Variants in CREBBP observed in about 807,000 individuals in gnomAD.
CREBBP encodes CREB-binding protein.
In CREBBP, 19 loss-of-function variants were observed where a neutral mutation model predicts 265.0. That is an observed-to-expected ratio of 0.07 (90% CI 0.05 to 0.11). CREBBP has a LOEUF of 0.11. CREBBP is among the 10% of genes least tolerant of loss of function. The pLI is 1.00. For missense variants in CREBBP, 2,525 were observed against 3,219.0 expected, an observed-to-expected ratio of 0.78 and a Z score of 5.22; for synonymous variants, 1,457 against 1,223.7, an observed-to-expected ratio of 1.19 and a Z score of -3.98.
At chr16:3,767,592 A>C in intron 16 of CREBBP, 128 bp downstream of exon 16, 1 of 1,266,996 alleles carries the variant, frequency 7.9e-7, no homozygotes, top group Non-Finnish European at 1.1e-6. Context: ...AGTCTGGGGA[A>C]TGGCAGGCAA....
At chr16:3,871,174 A>C (rs1436462759) in intron 1 of CREBBP, among the ~76,000 whole-genome samples, 1 of 127,356 alleles carries the variant, frequency 7.9e-6, no homozygotes, top group Non-Finnish European at 1.7e-5. Context: ...CCTTTTAGAG[A>C]TCTCTCTCTC....
intron 3 of CREBBP, among the ~76,000 whole-genome samples, chr16:3,797,578 T>C (rs1370487768): frequency 6.6e-6 from 1 of 152,122 alleles, no homozygotes; most frequent in Non-Finnish European, 1.5e-5. Context: ...TACACTGTAA[T>C]AAAAGCTACA....
chr16:3,853,672 C>G (rs1286740562), intron 1 of CREBBP, among the ~76,000 whole-genome samples: 1 of 151,936 alleles, frequency 6.6e-6, no homozygotes, highest in Non-Finnish European at 1.5e-5. Flanking sequence ...CACGGTAGCT[C>G]ATGCCTGTAA....
At chr16:3,879,186 T>C (rs894316579) in intron 1 of CREBBP, among the ~76,000 whole-genome samples, 1 of 152,076 alleles carries the variant, frequency 6.6e-6, no homozygotes, top group Non-Finnish European at 1.5e-5. Context: ...TAACGAAGTT[T>C]GGGTTTTGAA....
At chr16:3,752,524 C>T (rs780753914) in intron 19 of CREBBP, among the ~76,000 whole-genome samples, 9 of 150,620 alleles carry the variant, frequency 6.0e-5, no homozygotes, top group Non-Finnish European at 7.4e-5. Context: ...AATCCATATT[C>T]TAGACAAACA....
chr16:3,823,990 A>T (rs892023839), intron 2 of CREBBP, among the ~76,000 whole-genome samples: 2 of 138,390 alleles, frequency 1.4e-5, no homozygotes, highest in East Asian at 2.3e-4. Flanking sequence ...ACACACACAC[A>T]CACTCATCTA....
At chr16:3,814,775 A>G (rs1270702487) in intron 2 of CREBBP, among the ~76,000 whole-genome samples, 3 of 152,240 alleles carry the variant, frequency 2.0e-5, no homozygotes, top group African/African-American at 7.2e-5. Flanking sequence ...GATCTACACA[A>G]TTCTCAAAAA....
At chr16:3,815,340 G>C (rs1196339563) in intron 2 of CREBBP, among the ~76,000 whole-genome samples, 1 of 151,998 alleles carries the variant, frequency 6.6e-6, no homozygotes, top group African/African-American at 2.4e-5. Flanking sequence ...AGCAGTTCGA[G>C]ACCAGCCTGG....
At position 3,803,477 on chromosome 16, in the gene CREBBP, C is replaced by T. The variant is rs925787439; in HGVS notation, c.975+7126G>A. 1.7e-4 allele frequency among the ~76,000 whole-genome samples: 26 copies of T among 151,978 alleles called. No homozygotes were observed. The East Asian group carries it at 2.3e-3, about 14-fold the overall frequency. On this transcript the variant is annotated intron_variant, in intron 3 of 30. Coordinates refer to ENST00000262367, the MANE Select transcript of CREBBP (RefSeq NM_004380.3). The stretch of plus-strand genomic sequence containing the variant: ...CCAAGATCGCGCCACTGCACTCTAG[C>T]CTGGGCGACAGATCGAGACTCTCTC...
At chr16:3,737,867 A>AC (rs1173253072) in intron 26 of CREBBP, among the ~76,000 whole-genome samples, 3 of 150,712 alleles carry the variant, frequency 2.0e-5, no homozygotes, top group Admixed American at 2.0e-4. Flanking sequence ...GCTCACTGCA[A>AC]CCCCCCGCCT....
intron 2 of CREBBP, among the ~76,000 whole-genome samples, chr16:3,837,363 C>G (rs2054474332): frequency 6.6e-6 from 1 of 152,154 alleles, no homozygotes; most frequent in African/African-American, 2.4e-5. Flanking sequence ...CACCTGTAAT[C>G]CCAGCACTTC....
In CREBBP at chr16:3,780,854, G is replaced by C; in HGVS notation, c.1701C>G (p.Asn567Lys). ...ATNPLMNDGS[N>K]SGNIGTLSTI... The stretch of plus-strand genomic sequence containing the variant: ...TGCTGAGGGTTCCAATGTTACCAGA[G>C]TTGGAGCCATCGTTCATCAGTGGGC... The change falls in exon 8 of 31, where the codon AAC becomes AAG. Residue 567 changes from asparagine to lysine, a missense_variant. Around this residue, in one of 19 missense-constraint regions of CREBBP, gnomAD observed 144 missense variants for 134.0 expected, o/e 1.07. Transcript: ENST00000262367. 1 of 1,613,674 alleles carries C rather than the reference G, an allele frequency of 6.2e-7. No individual in the cohort carries two copies. The highest frequency in any genetic ancestry group is 2.2e-5 in the East Asian group (1 of 44,880).
rs530933277 is a variant in CREBBP, at chr16:3,740,311, T to G, written c.4133+88A>C. 6 of 1,540,882 alleles carry G rather than the reference T, an allele frequency of 3.9e-6. No individual in the cohort carries two copies. The East Asian group carries it at 1.3e-4, about 35-fold the overall frequency. ...GCTGCAAAGTCTTGGAAGGATGACC[T>G]CAAACTCAAGAGCTTTGCAGAGAGC... On this transcript the variant is annotated intron_variant, in intron 24 of 30. Coordinates refer to ENST00000262367, the MANE Select transcript of CREBBP (RefSeq NM_004380.3).
chr16:3,850,925 C>A lies in CREBBP; in HGVS notation c.170G>T (p.Gly57Val), dbSNP rs757504250. The A allele has an allele frequency of 1.1e-5, 18 of 1,614,142 alleles. No homozygotes were observed. Among genetic ancestry groups the A allele is most frequent in the Non-Finnish European group, 1.5e-5 (18 of 1,180,032 alleles). Residue 57 changes from glycine to valine, a missense_variant, in exon 2 of 31, where the codon GGG becomes GTG. Around this residue, in one of 19 missense-constraint regions of CREBBP, gnomAD observed 356 missense variants for 340.4 expected, o/e 1.05. Transcript: ENST00000262367. The part of the protein sequence containing the change: ...NGGELGLLNS[G>V]NLVPDAASKH... Reference sequence around the variant, plus strand: ...GGAAGCAGCATCTGGAACAAGGTTCCCACTGTTTAAAAGGCCTAATTCTCC... The same window carrying A: ...GGAAGCAGCATCTGGAACAAGGTTCACACTGTTTAAAAGGCCTAATTCTCC...
intron 1 of CREBBP, among the ~76,000 whole-genome samples, chr16:3,877,584 A>G (rs151008297): frequency 6.6e-6 from 1 of 152,172 alleles, no homozygotes; most frequent in Non-Finnish European, 1.5e-5. Flanking sequence ...TTGTATTTTG[A>G]GTACAGATGG....
At position 3,797,331 on chromosome 16, in the gene CREBBP, TTTAC is replaced by T. The variant is rs2053627530; in HGVS notation, c.976-3709_976-3706del. On this transcript the variant is annotated intron_variant, in intron 3 of 30. Coordinates refer to ENST00000262367, the MANE Select transcript of CREBBP (RefSeq NM_004380.3). ...TGAAACATACTATAAAGCTAATTTC[TTTAC>T]TTAAGTCCAGAAACAGACATAGGTG... 2.6e-5 allele frequency among the ~76,000 whole-genome samples: 4 copies of T among 152,266 alleles called. No homozygotes were observed. In the South Asian group the frequency reaches 8.3e-4, roughly 32 times the overall value.
intron 3 of CREBBP, among the ~76,000 whole-genome samples, chr16:3,798,205 T>C (rs2053644626): frequency 6.6e-6 from 1 of 152,170 alleles, no homozygotes; most frequent in South Asian, 2.1e-4. Context: ...CACTTCAACG[T>C]AAGAGTGACA....
chr16:3,840,223 G>A (rs1008134809), intron 2 of CREBBP, among the ~76,000 whole-genome samples: 1 of 152,170 alleles, frequency 6.6e-6, no homozygotes, highest in East Asian at 1.9e-4. Context: ...AAAAGCAACA[G>A]ACAAATGTAC....
In CREBBP at chr16:3,744,859, GCAGTCCAGGAAA is replaced by G. The variant is rs762443548; in HGVS notation, c.3982+23_3982+34del. ...CAATTTCTACAAGTTTCTAAAATGT[GCAGTCCAGGAAA>G]CAGAAAGCTTCCCGAAACTTACTCT... On this transcript the variant is annotated intron_variant, in intron 23 of 30. Coordinates refer to ENST00000262367, the MANE Select transcript of CREBBP (RefSeq NM_004380.3). 65 of 1,492,462 alleles carry G rather than the reference GCAGTCCAGGAAA, an allele frequency of 4.4e-5. No individual in the cohort carries two copies. The African/African-American group carries it at 6.9e-4, about 16-fold the overall frequency. The allele number at this position is 1,492,462 out of a possible 1,614,324, so 92.5% of individuals were successfully genotyped here.
Sources: gnomAD v4.1 joint callset for allele counts (sites outside exome capture counted in the v4.1 genomes callset) on GRCh38, gnomAD v4.1.1 for gene constraint, gnomAD v4.1.1 regional missense constraint, MANE v1.5 for transcripts, NCBI Gene and HGNC (gene_info 2026-07-23, HGNC 2026-07-21) for gene names.